RIN2: variants seen among roughly 807,000 people sequenced by gnomAD.
RIN2 encodes Ras and Rab interactor 2, also known as RAB5 interacting protein 2.
In RIN2, 36 loss-of-function variants were observed where a neutral mutation model predicts 78.0. That is an observed-to-expected ratio of 0.46 (90% CI 0.35 to 0.61). The LOEUF is 0.61. Ranked by LOEUF, RIN2 falls within the 20% of genes least tolerant of loss-of-function variation. The pLI is 0.00. For missense variants in RIN2, 1,087 were observed against 1,159.7 expected, an observed-to-expected ratio of 0.94 and a Z score of 0.91; for synonymous variants, 466 against 466.8, an observed-to-expected ratio of 1.00 and a Z score of 0.02.
intron 9 of RIN2, 135 bp from the exon 10 acceptor site, chr20:19,989,871 G>T: frequency 2.5e-6 from 2 of 814,592 alleles, no homozygotes; most frequent in African/African-American, 1.7e-5. Context: ...GTTGTCTGTT[G>T]GTTGGATGTT....
intron 2 of RIN2, among the ~76,000 whole-genome samples, chr20:19,864,570 T>C (rs975949345): frequency 1.3e-5 from 2 of 152,200 alleles, no homozygotes; most frequent in African/African-American, 4.8e-5. Context: ...TTCTCCTTTG[T>C]CAAAATATGA....
intron 7 of RIN2, among the ~76,000 whole-genome samples, chr20:19,969,678 T>G (rs1407259980): frequency 1.3e-5 from 2 of 152,200 alleles, no homozygotes; most frequent in African/African-American, 2.4e-5. Flanking sequence ...CCTGATGCAA[T>G]GTCTGGCACA....
At chr20:19,779,872 C>A (rs749276164) in intron 1 of RIN2, among the ~76,000 whole-genome samples, 4 of 152,084 alleles carry the variant, frequency 2.6e-5, no homozygotes, top group Admixed American at 2.6e-4. Flanking sequence ...ATACATGAAA[C>A]CTGTGGTTTG....
intron 4 of RIN2, among the ~76,000 whole-genome samples, chr20:19,937,478 C>A (rs901227267): frequency 6.6e-6 from 1 of 152,140 alleles, no homozygotes; most frequent in Admixed American, 6.5e-5. Context: ...ACAGCCACCA[C>A]GAAATGTCTA....
intron 2 of RIN2, among the ~76,000 whole-genome samples, chr20:19,831,825 T>C (rs901709519): frequency 2.0e-5 from 3 of 152,190 alleles, no homozygotes; most frequent in African/African-American, 7.2e-5. Context: ...TAAATAGTAA[T>C]AGTTCATATC....
At chr20:19,935,273 T>G in intron 4 of RIN2, 74 bp downstream of exon 4, 2 of 1,374,276 alleles carry the variant, frequency 1.5e-6, no homozygotes, top group Non-Finnish European at 2.0e-6. Flanking sequence ...AAGGGCTGAC[T>G]TGCAGTCACT....
intron 5 of RIN2, among the ~76,000 whole-genome samples, chr20:19,960,334 A>T (rs2041698294): frequency 6.6e-6 from 1 of 152,234 alleles, no homozygotes; most frequent in African/African-American, 2.4e-5. Flanking sequence ...TTTAGGTTTC[A>T]CCAACCAAGA....
At chr20:19,833,005 T>C (rs1227809305) in intron 2 of RIN2, among the ~76,000 whole-genome samples, 1 of 152,122 alleles carries the variant, frequency 6.6e-6, no homozygotes, top group African/African-American at 2.4e-5. Context: ...AATGAAATTA[T>C]TCAAACCACC....
intron 2 of RIN2, among the ~76,000 whole-genome samples, chr20:19,821,781 C>T (rs1402531846): frequency 6.6e-6 from 1 of 152,142 alleles, no homozygotes; most frequent in Non-Finnish European, 1.5e-5. Context: ...TTGCACTTTC[C>T]GTTTTCTGTT....
chr20:19,930,632 C>T (rs1265317498), intron 3 of RIN2, among the ~76,000 whole-genome samples: 2 of 152,144 alleles, frequency 1.3e-5, no homozygotes, highest in African/African-American at 4.8e-5. Context: ...CTGTGGCCGG[C>T]CCTCCCTCAC....
chr20:19,918,239 G>T (rs771918867), intron 3 of RIN2, among the ~76,000 whole-genome samples: 3 of 146,796 alleles, frequency 2.0e-5, no homozygotes, highest in Middle Eastern at 3.4e-3. Context: ...CCAAAGGCCA[G>T]AAAGGTTAAG....
chr20:19,827,272 C>T (rs912278976), intron 2 of RIN2, among the ~76,000 whole-genome samples: 31 of 152,182 alleles, frequency 2.0e-4, no homozygotes, highest in Admixed American at 5.9e-4. Context: ...CACCACACCC[C>T]GCCTTTTTCT....
intron 1 of RIN2, among the ~76,000 whole-genome samples, chr20:19,764,434 G>C (rs1178796966): frequency 6.6e-6 from 1 of 152,166 alleles, no homozygotes; most frequent in Non-Finnish European, 1.5e-5. Flanking sequence ...GTCTATGCAG[G>C]ACCTAGCAGT....
intron 2 of RIN2, among the ~76,000 whole-genome samples, chr20:19,826,950 G>A (rs1443974345): frequency 6.8e-6 from 1 of 147,782 alleles, no homozygotes; most frequent in Non-Finnish European, 1.5e-5. Context: ...TGGTGGTGGT[G>A]GTTTTTCTAT....
rs752369169 is a variant in RIN2 at position 20,001,112 on chromosome 20, G to A, written c.*176G>A. 60 of 588,882 alleles carry A rather than the reference G, an allele frequency of 1.0e-4. No homozygotes were observed. Among genetic ancestry groups the A allele is most frequent in the Non-Finnish European group, 1.6e-4 (55 of 334,406 alleles). 36.5% of individuals were successfully genotyped at this position (588,882 alleles called of 1,614,324 possible). A position where few individuals can be genotyped will look rare whatever the true frequency, so the allele number is the denominator to read the frequency against. ...GCAACTTTAGCCACGCAAGGTAGCT[G>A]AGGTTTGTGAAACAGTAGGATTCTC... is the stretch of plus-strand genomic sequence containing the variant. On this transcript the variant is annotated 3_prime_UTR_variant, in exon 13 of 13. Transcript: ENST00000255006.
At chr20:19,837,842 T>A (rs1393040724) in intron 2 of RIN2, among the ~76,000 whole-genome samples, 1 of 152,098 alleles carries the variant, frequency 6.6e-6, no homozygotes, top group Non-Finnish European at 1.5e-5. Flanking sequence ...TCTCCTTTCC[T>A]TTCCTTTCTT....
intron 2 of RIN2, among the ~76,000 whole-genome samples, chr20:19,800,933 G>C (rs891965854): frequency 2.0e-5 from 3 of 152,220 alleles, no homozygotes; most frequent in South Asian, 2.1e-4. Context: ...ACCCAGAGCT[G>C]CCTGATTTCA....
chr20:19,785,352 A>G (rs953342749), intron 1 of RIN2, among the ~76,000 whole-genome samples: 27 of 152,310 alleles, frequency 1.8e-4, no homozygotes, highest in Non-Finnish European at 5.9e-5. Flanking sequence ...ATGTCCTAAC[A>G]TAAGAACTTT....
chr20:19,889,357 T>C, intron 2 of RIN2: 1 of 1,237,302 alleles, frequency 8.1e-7, no homozygotes, highest in Non-Finnish European at 1.0e-6. Flanking sequence ...AGGTGGGAGG[T>C]GGGCTGGCGA....
Sources: gnomAD v4.1 joint callset for allele counts (sites outside exome capture counted in the v4.1 genomes callset) on GRCh38, gnomAD v4.1.1 for gene constraint, MANE v1.5 for transcripts, NCBI Gene and HGNC (gene_info 2026-07-23, HGNC 2026-07-21) for gene names.